The following AUTS2 variants were observed in gnomAD, a reference collection of about 807,000 sequenced individuals.
AUTS2 encodes the protein autism susceptibility gene 2 protein.
AUTS2 carries 17 observed loss-of-function variants against 112.4 expected under a neutral mutation model. That is an observed-to-expected ratio of 0.15 (90% CI 0.10 to 0.23). The LOEUF is 0.23. Among genes scored for constraint, AUTS2 ranks in the 10% least tolerant of loss-of-function variants. The probability of loss-of-function intolerance (pLI) is 1.00; values close to 1 mark genes in which losing one functional copy is unlikely to be tolerated. For missense variants in AUTS2, 1,510 were observed against 1,701.6 expected, an observed-to-expected ratio of 0.89 and a Z score of 1.98; for synonymous variants, 751 against 702.7, an observed-to-expected ratio of 1.07 and a Z score of -1.09.
intron 5 of AUTS2, among the ~76,000 whole-genome samples, chr7:70,554,096 TTCGC>T (rs1449867526): frequency 7.3e-6 from 1 of 137,676 alleles, no homozygotes; most frequent in Non-Finnish European, 1.6e-5. Flanking sequence ...GAGACGGAGT[TTCGC>T]TCTTGTCGCC....
At chr7:70,004,334 TG>T (rs1304599239) in intron 2 of AUTS2, among the ~76,000 whole-genome samples, 2 of 133,216 alleles carry the variant, frequency 1.5e-5, no homozygotes, top group African/African-American at 5.5e-5. Flanking sequence ...AATATATATA[TG>T]AATATATATT....
Position 70,219,747 on chromosome 7 carries a change from T to G in AUTS2, c.660+85176T>G, listed in dbSNP as rs574801820. Among the ~76,000 whole-genome samples, 37 of 152,178 alleles carry G rather than the reference T, an allele frequency of 2.4e-4. No homozygotes were observed. The South Asian group carries it at 7.7e-3, about 32-fold the overall frequency. On this transcript the variant is annotated intron_variant, in intron 4 of 18. Transcript: ENST00000342771. ...CCACCATACCCAGCTAATTTTTGTATTTTTAGTAGAGACAGGGTTTCACCA... is the reference window on the plus strand; with the variant it reads ...CCACCATACCCAGCTAATTTTTGTAGTTTTAGTAGAGACAGGGTTTCACCA...
chr7:70,365,206 CT>C (rs757372484), intron 4 of AUTS2, among the ~76,000 whole-genome samples: 1 of 152,204 alleles, frequency 6.6e-6, no homozygotes, highest in East Asian at 1.9e-4. Context: ...GAATTTCCCT[CT>C]TTACTCTTCA....
At chr7:70,511,487 C>T (rs548819237) in intron 5 of AUTS2, among the ~76,000 whole-genome samples, 36 of 151,502 alleles carry the variant, frequency 2.4e-4, no homozygotes, top group African/African-American at 8.7e-4. Flanking sequence ...GGGACAGCCC[C>T]AACTTCTATA....
intron 4 of AUTS2, among the ~76,000 whole-genome samples, chr7:70,277,917 C>T (rs1468369811): frequency 7.3e-6 from 1 of 137,076 alleles, no homozygotes; most frequent in Non-Finnish European, 1.6e-5. Flanking sequence ...TTTCATTTGC[C>T]TTGTGTATTT....
chr7:69,814,511 A>G (rs2129525291), intron 1 of AUTS2, among the ~76,000 whole-genome samples: 1 of 152,328 alleles, frequency 6.6e-6, no homozygotes, highest in Admixed American at 6.5e-5. Flanking sequence ...CCGCTGTACC[A>G]GTGGCCAGCT....
chr7:69,722,972 T>A (rs1799042288), intron 1 of AUTS2, among the ~76,000 whole-genome samples: 1 of 152,146 alleles, frequency 6.6e-6, no homozygotes, highest in African/African-American at 2.4e-5. Context: ...CTGCTTGTTT[T>A]CTACATGTCA....
intron 2 of AUTS2, among the ~76,000 whole-genome samples, chr7:69,955,001 C>T (rs1797162420): frequency 6.6e-6 from 1 of 152,182 alleles, no homozygotes; most frequent in African/African-American, 2.4e-5. Flanking sequence ...TGCATTTGTT[C>T]TGTAACACCA....
chr7:69,923,601 C>T (rs1219555794), intron 2 of AUTS2, among the ~76,000 whole-genome samples: 1 of 152,164 alleles, frequency 6.6e-6, no homozygotes, highest in Non-Finnish European at 1.5e-5. Flanking sequence ...AGGTCTATCT[C>T]TCTATTTAGA....
At chr7:69,860,622 A>C (rs534298650) in intron 1 of AUTS2, among the ~76,000 whole-genome samples, 1 of 151,986 alleles carries the variant, frequency 6.6e-6, no homozygotes, top group Non-Finnish European at 1.5e-5. Context: ...CTCTCCTCAG[A>C]TTCAATTGTA....
chr7:70,225,889 A>G (rs1479524038), intron 4 of AUTS2, among the ~76,000 whole-genome samples: 1 of 152,106 alleles, frequency 6.6e-6, no homozygotes, highest in Non-Finnish European at 1.5e-5. Context: ...TTGCGGTTGT[A>G]TTGCATGATT....
chr7:69,674,889 G>A (rs915813722), intron 1 of AUTS2, among the ~76,000 whole-genome samples: 30 of 152,168 alleles, frequency 2.0e-4, no homozygotes, highest in African/African-American at 7.2e-4. Flanking sequence ...GACAGAAGGC[G>A]TACTGCAGGA....
chr7:70,451,842 A>T (rs553149367), intron 5 of AUTS2, among the ~76,000 whole-genome samples: 4 of 152,216 alleles, frequency 2.6e-5, no homozygotes, highest in African/African-American at 9.6e-5. Context: ...ATAGCCTGAG[A>T]TCCTATTGCT....
chr7:70,049,997 T>G (rs1563065501), intron 2 of AUTS2, among the ~76,000 whole-genome samples: 2 of 152,164 alleles, frequency 1.3e-5, no homozygotes, highest in Non-Finnish European at 2.9e-5. Context: ...ATTCCAAATT[T>G]AGGGCTAAAG....
At chr7:70,229,829 G>A (rs745932506) in intron 4 of AUTS2, among the ~76,000 whole-genome samples, 30 of 151,952 alleles carry the variant, frequency 2.0e-4, no homozygotes, top group South Asian at 4.2e-4. Context: ...TTCTTCTGCC[G>A]TTCAAATCTC....
chr7:70,766,287 C>A lies in AUTS2; in HGVS notation c.1642C>A (p.His548Asn), dbSNP rs889725302. Residue 548 changes from histidine to asparagine, a missense_variant, in exon 9 of 19, where the codon CAC becomes AAC. Transcript: ENST00000342771. This position sits in a 1 kb window ranked among gnomAD's most constrained non-coding sequence, Gnocchi z 4.8. ...THQHTFTPFP[H>N]AIPPTAIMPT... ...CCAGCACACCTTCACGCCGTTCCCC[C>A]ACGCCATCCCACCCACCGCCATCAT... The A allele has an allele frequency of 6.2e-7, 1 of 1,614,008 alleles. No homozygotes were observed. Among genetic ancestry groups the A allele is most frequent in the Non-Finnish European group, 8.5e-7 (1 of 1,180,014 alleles).
At chr7:70,423,314 A>G (rs935704169) in intron 4 of AUTS2, among the ~76,000 whole-genome samples, 2 of 152,238 alleles carry the variant, frequency 1.3e-5, no homozygotes, top group African/African-American at 4.8e-5. Flanking sequence ...TCAATCTTGA[A>G]TATAAATAAT....
chr7:69,996,927 C>A (rs1174883740), intron 2 of AUTS2, among the ~76,000 whole-genome samples: 2 of 129,394 alleles, frequency 1.5e-5, no homozygotes, highest in African/African-American at 3.0e-5. Context: ...GCTCCTTTTT[C>A]GAAATAACCT....
At position 70,792,296 on chromosome 7, in the gene AUTS2, T is replaced by G. The variant is rs1300317022; in HGVS notation, c.*1300T>G. 2 of 152,596 alleles carry G rather than the reference T, an allele frequency of 1.3e-5. No individual in the cohort carries two copies. The highest frequency in any genetic ancestry group is 4.8e-5 in the African/African-American group (2 of 41,442). The allele number at this position is 152,596 out of a possible 1,614,324, so 9.5% of individuals were successfully genotyped here. ...TTTTTTGAGTTTGCATCAATCTTAA[T>G]GTCTCTTCATAATACTTTTATAATA... On this transcript the variant is annotated 3_prime_UTR_variant, in exon 19 of 19. Transcript: ENST00000342771.
Sources: gnomAD v4.1 joint callset for allele counts (sites outside exome capture counted in the v4.1 genomes callset) on GRCh38, gnomAD v4.1.1 for gene constraint, Gnocchi (gnomAD v3.1) non-coding constraint, MANE v1.5 for transcripts, NCBI Gene and HGNC (gene_info 2026-07-23, HGNC 2026-07-21) for gene names.